Variants in PDK2 observed in about 807,000 individuals in gnomAD.
PDK2 encodes the protein pyruvate dehydrogenase kinase 2.
A neutral mutation model predicts 50.4 loss-of-function variants in PDK2; 34 were observed. The ratio of observed to expected loss-of-function variants is 0.68; its 90% CI spans 0.51 to 0.90. The LOEUF (loss-of-function observed/expected upper bound fraction) is 0.90. Ranked by LOEUF, PDK2 falls within the 40% of genes least tolerant of loss-of-function variation. The probability of loss-of-function intolerance (pLI) is 0.00; values close to 1 mark genes in which losing one functional copy is unlikely to be tolerated. For synonymous variants in PDK2, 232 were observed against 216.0 expected, an observed-to-expected ratio of 1.07 and a Z score of -0.65; for missense variants, 377 against 544.5, an observed-to-expected ratio of 0.69 and a Z score of 3.06.
intron 4 of PDK2, 29 bp downstream of exon 4, chr17:50,106,098 G>C (rs748980664): frequency 6.4e-7 from 1 of 1,566,470 alleles, no homozygotes; most frequent in Non-Finnish European, 8.7e-7. Flanking sequence ...GGCGGGGAGC[G>C]GGCGGTGGGG....
chr17:50,105,604 A>G (rs184266557), intron 3 of PDK2, among the ~76,000 whole-genome samples, 162 bp downstream of exon 3: 6 of 152,240 alleles, frequency 3.9e-5, no homozygotes, highest in Admixed American at 3.3e-4. Context: ...GGGAGCCCCA[A>G]GTTTGATGGG....
chr17:50,107,303 G>T, intron 6 of PDK2, 150 bp downstream of exon 6: 1 of 657,394 alleles, frequency 1.5e-6, no homozygotes, highest in African/African-American at 1.8e-5. Flanking sequence ...TATTTGGGCT[G>T]GGCACAGTGG....
chr17:50,101,206 G>C lies in PDK2; in HGVS notation c.260+3642G>C, dbSNP rs890127292. 1.3e-5 allele frequency: 2 copies of C among 152,198 alleles called. No homozygotes were observed. Among genetic ancestry groups the C allele is most frequent in the Non-Finnish European group, 2.9e-5 (2 of 68,046 alleles). The allele number at this position is 152,198 out of a possible 1,614,324, so 9.4% of individuals were successfully genotyped here. On this transcript the variant is annotated intron_variant, in intron 2 of 10. Transcript: ENST00000503176. The surrounding 1 kb of genome is among the most constrained non-coding windows in gnomAD (Gnocchi z 4.2). Reference sequence around the variant, plus strand: ...CAGCAAGGTGTGTGGACCCCATACAGGGGGTGTGGCTTGGGTGCCCAGGAC... The same window carrying C: ...CAGCAAGGTGTGTGGACCCCATACACGGGGTGTGGCTTGGGTGCCCAGGAC...
rs1910866161 is a variant in PDK2, at chr17:50,111,826, A to C, written c.*1729A>C. 2 of 152,234 alleles carry C rather than the reference A, an allele frequency of 1.3e-5. No individual in the cohort carries two copies. The highest frequency in any genetic ancestry group is 6.5e-5 in the Admixed American group (1 of 15,274). 9.4% of individuals were successfully genotyped at this position (152,234 alleles called of 1,614,324 possible). A position where few individuals can be genotyped will look rare whatever the true frequency, so the allele number is the denominator to read the frequency against. ...CACCCCCATCCAGGGAGCTGGCCCC[A>C]GCCCTCAGTGTGGCCCAGGGAAGCA... On this transcript the variant is annotated 3_prime_UTR_variant, in exon 11 of 11. Transcript: ENST00000503176.
intron 4 of PDK2, 112 bp from the exon 5 acceptor site, chr17:50,106,682 G>T: frequency 1.2e-6 from 1 of 850,090 alleles, no homozygotes; most frequent in East Asian, 2.6e-5. Context: ...TAGGACTGGA[G>T]CCTACAGAGG....
rs754995610 is a variant in PDK2 at position 50,106,889 on chromosome 17, C to T, written c.607+6C>T. 6.2e-7 allele frequency: 1 copy of T among 1,612,674 alleles called. No homozygotes were observed. The highest frequency in any genetic ancestry group is 1.1e-5 in the South Asian group (1 of 91,052). ...CGTCTCTGAGGTGGTCAAAGGTGAGCCATTCCCACGGTGCCTGGCCCGCAG... is the reference window on the plus strand; with the variant it reads ...CGTCTCTGAGGTGGTCAAAGGTGAGTCATTCCCACGGTGCCTGGCCCGCAG... On this transcript the variant is annotated splice_donor_region_variant and intron_variant, in intron 5 of 10. Coordinates refer to ENST00000503176, the MANE Select transcript of PDK2 (RefSeq NM_002611.5).
rs953611731 is a variant in PDK2 at position 50,105,501 on chromosome 17, T to C, written c.332+59T>C. Reference sequence around the variant, plus strand: ...GGTGTTGGCCAGGGGCATCTGGGGTTGCAGCCCCTGGGGCAGAAGTACAGC... The same window carrying C: ...GGTGTTGGCCAGGGGCATCTGGGGTCGCAGCCCCTGGGGCAGAAGTACAGC... On this transcript the variant is annotated intron_variant, in intron 3 of 10. Transcript: ENST00000503176. The C allele has an allele frequency of 4.2e-6, 6 of 1,419,080 alleles. No homozygotes were observed. In the African/African-American group the frequency reaches 7.1e-5, roughly 17 times the overall value. The allele number at this position is 1,419,080 out of a possible 1,614,324, so 87.9% of individuals were successfully genotyped here.
At chr17:50,095,320 G>A, upstream of PDK2, 1 of 672,948 alleles carries the variant, frequency 1.5e-6, no homozygotes, top group Non-Finnish European at 2.5e-6. Flanking sequence ...GCTGGGCGTT[G>A]GAATGCCCGC....
intron 2 of PDK2, among the ~76,000 whole-genome samples, chr17:50,102,604 C>T (rs1278888912): frequency 5.9e-5 from 9 of 152,216 alleles, no homozygotes; most frequent in African/African-American, 4.8e-5. Flanking sequence ...TGCCTGTGTG[C>T]GGGCCCTCTC....
At chr17:50,095,896 A>T (rs1045842900) in intron 1 of PDK2, 3 of 739,136 alleles carry the variant, frequency 4.1e-6, no homozygotes, top group Non-Finnish European at 5.1e-6. Context: ...AGTTGTCCTC[A>T]TGACTGGAGG....
chr17:50,103,570 C>T (rs1440463031), intron 2 of PDK2, among the ~76,000 whole-genome samples: 1 of 152,214 alleles, frequency 6.6e-6, no homozygotes, highest in Non-Finnish European at 1.5e-5. Flanking sequence ...TCCCCATTTT[C>T]CTAATGAGCA....
chr17:50,107,843 C>T (rs1269472398), intron 6 of PDK2, among the ~76,000 whole-genome samples: 1 of 152,172 alleles, frequency 6.6e-6, no homozygotes. Context: ...ACCCCAATAC[C>T]AGTGGCTTAC....
At chr17:50,096,784 G>A (rs1471380085) in intron 1 of PDK2, among the ~76,000 whole-genome samples, 1 of 152,230 alleles carries the variant, frequency 6.6e-6, no homozygotes, top group Non-Finnish European at 1.5e-5. Context: ...AGCAGAGCCT[G>A]ATGGACTGGA....
At chr17:50,106,112 G>T (rs767100603) in intron 4 of PDK2, 43 bp downstream of exon 4, 1 of 1,556,188 alleles carries the variant, frequency 6.4e-7, no homozygotes, top group Admixed American at 1.9e-5. Context: ...GGTGGGGGGG[G>T]CGGTGCTGGG....
chr17:50,105,861 GT>G, intron 3 of PDK2, 23 bp from the exon 4 acceptor site: 7 of 1,609,836 alleles, frequency 4.3e-6, no homozygotes, highest in Non-Finnish European at 5.9e-6. Flanking sequence ...GGTGTCCCAT[GT>G]GAACATCTGC....
intron 1 of PDK2, chr17:50,095,892 C>T (rs948412137): frequency 1.3e-6 from 1 of 764,636 alleles, no homozygotes; most frequent in African/African-American, 1.9e-5. Flanking sequence ...TGGGAGTTGT[C>T]CTCATGACTG....
At chr17:50,098,713 G>A (rs916701681) in intron 2 of PDK2, 5 of 152,098 alleles carry the variant, frequency 3.3e-5, no homozygotes, top group Non-Finnish European at 5.9e-5. Context: ...GTGGATATGG[G>A]GCTTATTCTA....
In PDK2 at chr17:50,110,609, C is replaced by T. The variant is rs1189240483; in HGVS notation, c.*512C>T. ...TTACACCCGTGAGTGGGGAATGAGG[C>T]TGGTCCTGCAGCCTCTCCCTCCGCT... On this transcript the variant is annotated 3_prime_UTR_variant, in exon 11 of 11. Transcript: ENST00000503176. 6.6e-6 allele frequency: 1 copy of T among 152,338 alleles called. No individual in the cohort carries two copies. The highest frequency in any genetic ancestry group is 1.5e-5 in the Non-Finnish European group (1 of 68,126). 9.4% of individuals were successfully genotyped at this position (152,338 alleles called of 1,614,324 possible). A position where few individuals can be genotyped will look rare whatever the true frequency, so the allele number is the denominator to read the frequency against.
In PDK2 at chr17:50,106,846, C is replaced by T; in HGVS notation, c.570C>T (p.Ser190=). 2 of 1,614,176 alleles carry T rather than the reference C, an allele frequency of 1.2e-6. No individual in the cohort carries two copies. Among genetic ancestry groups the T allele is most frequent in the Non-Finnish European group, 1.7e-6 (2 of 1,180,028 alleles). The change falls in exon 5 of 11, where the codon AGC becomes AGT. Residue 190 remains serine, a synonymous_variant. Coordinates refer to ENST00000503176, the MANE Select transcript of PDK2 (RefSeq NM_002611.5). ...TNPAHPKHIG[S]IDPNCNVSEV... ...CAGCCCATCCCAAACACATCGGCAG[C>T]ATCGACCCCAACTGCAACGTCTCTG... is the stretch of plus-strand genomic sequence containing the variant.
Sources: gnomAD v4.1 joint callset for allele counts (sites outside exome capture counted in the v4.1 genomes callset) on GRCh38, gnomAD v4.1.1 for gene constraint, Gnocchi (gnomAD v3.1) non-coding constraint, MANE v1.5 for transcripts, NCBI Gene and HGNC (gene_info 2026-07-23, HGNC 2026-07-21) for gene names.